ATXN1: variants seen among roughly 807,000 people sequenced by gnomAD.
ATXN1 encodes the protein ataxin-1.
ATXN1 carries 8 observed loss-of-function variants against 56.4 expected under a neutral mutation model. The ratio of observed to expected loss-of-function variants is 0.14; its 90% CI spans 0.08 to 0.26. ATXN1 has a LOEUF of 0.26. ATXN1 is among the 10% of genes least tolerant of loss of function. The pLI, the probability that ATXN1 is intolerant of heterozygous loss-of-function variation, is 1.00. For missense variants in ATXN1, 987 were observed against 1,106.5 expected (o/e 0.89, Z 1.53); for synonymous variants, 514 against 494.6 (o/e 1.04, Z -0.52).
At chr6:16,451,900 A>G (rs1759761070) in intron 6 of ATXN1, among the ~76,000 whole-genome samples, 1 of 152,234 alleles carries the variant, frequency 6.6e-6, no homozygotes, top group African/African-American at 2.4e-5. Context: ...TCCTGTTTCT[A>G]TCTTCAGTCT....
chr6:16,642,655 T>G (rs1374759344), intron 3 of ATXN1, among the ~76,000 whole-genome samples: 1 of 152,218 alleles, frequency 6.6e-6, no homozygotes, highest in East Asian at 1.9e-4. Context: ...CAAACGTCAT[T>G]GTTGTCTAAT....
Position 16,327,651 on chromosome 6 carries a change from C to T in ATXN1, c.660G>A (p.Gln220=). The T allele has an allele frequency of 6.5e-7, 1 of 1,545,404 alleles. No individual in the cohort carries two copies. Among genetic ancestry groups the T allele is most frequent in the South Asian group, 1.2e-5 (1 of 85,542 alleles). Residue 220 remains glutamine (Q), a synonymous_variant, in exon 7 of 8, where the codon CAG becomes CAA. Coordinates refer to ENST00000436367, the MANE Select transcript of ATXN1 (RefSeq NM_001128164.2). ...QHQQQQQQQQ[Q]QQQQQHLSRA... Reference sequence around the variant, plus strand: ...TGCTGAGGTGCTGCTGCTGCTGCTGCTGCTGCTGCTGCTGCTGCTGCTGCT... The same window carrying T: ...TGCTGAGGTGCTGCTGCTGCTGCTGTTGCTGCTGCTGCTGCTGCTGCTGCT...
intron 2 of ATXN1, among the ~76,000 whole-genome samples, chr6:16,692,073 G>A (rs1038181554): frequency 6.6e-6 from 1 of 152,228 alleles, no homozygotes; most frequent in African/African-American, 2.4e-5. Flanking sequence ...AGACCAGCCT[G>A]GCCAATATGG....
At chr6:16,443,208 CAAAAAAAAAAAAAA>C (rs70999325) in intron 6 of ATXN1, among the ~76,000 whole-genome samples, 11 of 40,776 alleles carry the variant, frequency 2.7e-4, no homozygotes, top group African/African-American at 1.1e-3. Flanking sequence ...TCTATTGGAG[CAAAAAAAAAAAAAA>C]AAAAAAAAAA....
intron 6 of ATXN1, among the ~76,000 whole-genome samples, chr6:16,437,327 C>A (rs1168467046): frequency 6.6e-6 from 1 of 152,216 alleles, no homozygotes. Context: ...TCAGCACCAC[C>A]CCCGTGGAAG....
At chr6:16,568,997 C>A (rs1201868105) in intron 4 of ATXN1, among the ~76,000 whole-genome samples, 1 of 152,278 alleles carries the variant, frequency 6.6e-6, no homozygotes, top group African/African-American at 2.4e-5. Context: ...TAAACAAGAA[C>A]AGGACCCAGC....
intron 3 of ATXN1, among the ~76,000 whole-genome samples, chr6:16,651,323 T>C (rs368493391): frequency 1.3e-5 from 2 of 152,098 alleles, no homozygotes; most frequent in Non-Finnish European, 2.9e-5. Flanking sequence ...GGCAGGCGGA[T>C]CATGAGGTCA....
chr6:16,554,217 C>A (rs932641333), intron 4 of ATXN1, among the ~76,000 whole-genome samples: 1 of 152,162 alleles, frequency 6.6e-6, no homozygotes, highest in Admixed American at 6.5e-5. Flanking sequence ...AATGGTATAA[C>A]AAGTGATTCA....
chr6:16,728,509 G>C (rs1378182597), intron 2 of ATXN1, among the ~76,000 whole-genome samples: 2 of 152,056 alleles, frequency 1.3e-5, no homozygotes, highest in Admixed American at 1.3e-4. Context: ...ACAACTCAAG[G>C]TCTCCCTCTC....
chr6:16,659,854 C>T (rs1279083019), intron 2 of ATXN1, among the ~76,000 whole-genome samples: 9 of 152,060 alleles, frequency 5.9e-5, no homozygotes, highest in Non-Finnish European at 4.4e-5. Context: ...CTGGGAGAGG[C>T]AGAATGGTCC....
intron 3 of ATXN1, among the ~76,000 whole-genome samples, chr6:16,630,344 A>T (rs1431497975): frequency 2.0e-5 from 3 of 152,224 alleles, no homozygotes; most frequent in Non-Finnish European, 4.4e-5. Context: ...AGGTCCATTT[A>T]CAGAACCAGC....
intron 7 of ATXN1, among the ~76,000 whole-genome samples, chr6:16,315,200 G>A (rs761758236): frequency 3.9e-5 from 6 of 152,012 alleles, no homozygotes; most frequent in African/African-American, 1.5e-4. Context: ...GCCCCTGCCC[G>A]GTGGCCATCC....
Position 16,657,885 on chromosome 6 carries a change from C to T in ATXN1, c.-598G>A, listed in dbSNP as rs1488951167. The T allele has an allele frequency of 1.3e-5, 2 of 152,190 alleles. No homozygotes were observed. Among genetic ancestry groups the T allele is most frequent in the East Asian group, 3.8e-4 (2 of 5,196 alleles). The allele number at this position is 152,190 out of a possible 1,614,324, so 9.4% of individuals were successfully genotyped here. A position where few individuals can be genotyped will look rare whatever the true frequency, so the allele number is the denominator to read the frequency against. On this transcript the variant is annotated 5_prime_UTR_variant, in exon 3 of 8. Transcript: ENST00000436367. ...TTTGAAGCTTCAAAATAGACTCTTT[C>T]ACTATGCTCCAGTATGCTGCAGTCA...
chr6:16,331,434 A>G (rs563998787), intron 6 of ATXN1, among the ~76,000 whole-genome samples: 7 of 152,352 alleles, frequency 4.6e-5, no homozygotes, highest in African/African-American at 1.7e-4. Context: ...AAACGCTCCC[A>G]CATTTCCATA....
chr6:16,643,624 T>A, intron 3 of ATXN1, among the ~76,000 whole-genome samples: 1 of 82,290 alleles, frequency 1.2e-5, no homozygotes. Flanking sequence ...AGTGAGACCC[T>A]GCCAAAAAAA....
intron 5 of ATXN1, among the ~76,000 whole-genome samples, chr6:16,490,502 T>A (rs1760639030): frequency 6.6e-6 from 1 of 152,188 alleles, no homozygotes; most frequent in African/African-American, 2.4e-5. Flanking sequence ...TTCCACCACT[T>A]TTCTCTGTGT....
At chr6:16,554,865 A>G (rs1761983927) in intron 4 of ATXN1, among the ~76,000 whole-genome samples, 1 of 152,242 alleles carries the variant, frequency 6.6e-6, no homozygotes, top group South Asian at 2.1e-4. Flanking sequence ...TGCTGAGATT[A>G]CAAGCATGAG....
chr6:16,391,215 A>G (rs1484129503), intron 6 of ATXN1, among the ~76,000 whole-genome samples: 1 of 151,492 alleles, frequency 6.6e-6, no homozygotes, highest in Non-Finnish European at 1.5e-5. Flanking sequence ...ACAAGAAAAC[A>G]CTATTCAGAT....
At chr6:16,319,912 A>G (rs1295575572) in intron 7 of ATXN1, among the ~76,000 whole-genome samples, 1 of 151,316 alleles carries the variant, frequency 6.6e-6, no homozygotes, top group Admixed American at 6.6e-5. Flanking sequence ...GTGGTTTGAC[A>G]TAGTTTCTCT....
Sources: allele counts gnomAD v4.1 joint callset (sites outside exome capture counted in the v4.1 genomes callset), GRCh38; gene constraint gnomAD v4.1.1; transcripts MANE v1.5; gene names NCBI Gene and HGNC (gene_info 2026-07-23, HGNC 2026-07-21).